The following KIAA1614 variants were observed in gnomAD, a reference collection of about 807,000 sequenced individuals.
KIAA1614 encodes uncharacterized protein KIAA1614.
A neutral mutation model predicts 88.7 loss-of-function variants in KIAA1614; 76 were observed. That is an observed-to-expected ratio of 0.86 (90% CI 0.71 to 1.04). The LOEUF is 1.04. Among genes scored for constraint, KIAA1614 ranks in the 50% least tolerant of loss-of-function variants. The pLI is 0.00. For missense variants in KIAA1614, 1,553 were observed against 1,582.5 expected (o/e 0.98, Z 0.32); for synonymous variants, 714 against 675.5 (o/e 1.06, Z -0.88).
rs753442417 is a variant in KIAA1614 at position 180,936,250 on chromosome 1, C to G, written c.2341C>G (p.Leu781Val). ...ESLEIVSPSS[L>V]QQSHAEPSAP... The stretch of plus-strand genomic sequence containing the variant: ...CCTGGAAATTGTCTCTCCTTCCTCC[C>G]TGCAACAGAGCCATGCAGAGCCTTC... Residue 781 changes from leucine (L) to valine (V), a missense_variant, in exon 5 of 9, where the codon CTG (leucine) becomes GTG (valine). Transcript: ENST00000367588. The G allele has an allele frequency of 1.2e-6, 2 of 1,614,222 alleles. No homozygotes were observed. Among genetic ancestry groups the G allele is most frequent in the South Asian group, 1.1e-5 (1 of 91,088 alleles).
At chr1:180,914,160 G>T (rs954995236) in intron 1 of KIAA1614, 1 of 151,878 alleles carries the variant, frequency 6.6e-6, no homozygotes, top group African/African-American at 2.4e-5. Flanking sequence ...ACTTCAAGGG[G>T]GGGGGGACAT....
intron 3 of KIAA1614, among the ~76,000 whole-genome samples, chr1:180,918,939 G>A (rs1281810654): frequency 2.6e-5 from 4 of 152,186 alleles, no homozygotes; most frequent in Admixed American, 6.5e-5. Context: ...TCTGGTGAGG[G>A]CTGCTCTTGG....
chr1:180,936,354 A>G lies in KIAA1614; in HGVS notation c.2445A>G (p.Lys815=), dbSNP rs779934290. The change falls in exon 5 of 9, where the codon AAA becomes AAG. Residue 815 remains lysine, a synonymous_variant. Transcript: ENST00000367588. ...CGCCAACCCCTCCCCCTTCGAGGAA[A>G]ACCACCTCGCCAGTGTCTCACAGGA... ...GWAPTPPPSR[K]TTSPVSHRKA... is the part of the protein sequence containing the mutation. 2 of 1,614,156 alleles carry G rather than the reference A, an allele frequency of 1.2e-6. No homozygotes were observed. Among genetic ancestry groups the G allele is most frequent in the Non-Finnish European group, 1.7e-6 (2 of 1,180,012 alleles).
rs1031579504 is a variant in KIAA1614 at position 180,945,760 on chromosome 1, A to G, written c.*172A>G. ...GTGGGGAGTGTGCGGGAGGGGGTAG[A>G]GTTGGCAGGTTTGACTCCACTGTCC... On this transcript the variant is annotated 3_prime_UTR_variant, in exon 9 of 9. Transcript: ENST00000367588. 2.2e-6 allele frequency: 3 copies of G among 1,365,320 alleles called. No homozygotes were observed. The highest frequency in any genetic ancestry group is 1.5e-5 in the African/African-American group (1 of 65,558). 84.6% of individuals were successfully genotyped at this position (1,365,320 alleles called of 1,614,324 possible). A position where few individuals can be genotyped will look rare whatever the true frequency, so the allele number is the denominator to read the frequency against.
At chr1:180,940,930 G>A in intron 6 of KIAA1614, 115 bp from the exon 7 acceptor site, 1 of 898,830 alleles carries the variant, frequency 1.1e-6, no homozygotes, top group South Asian at 1.8e-5. Flanking sequence ...CCCCAAATGT[G>A]CCAGAGGCAT....
At chr1:180,943,566 T>TTTTTTTTTTTTTTTTTTTTTTTTTTA (rs1654519507) in intron 7 of KIAA1614, among the ~76,000 whole-genome samples, 1 of 144,394 alleles carries the variant, frequency 6.9e-6, no homozygotes, top group South Asian at 2.3e-4. Context: ...TTTTTTTTTT[T>TTTTTTTTTTTTTTTTTTTTTTTTTTA]GAGACAGGGT....
Position 180,935,663 on chromosome 1 carries a change from C to T in KIAA1614, c.1754C>T (p.Ala585Val), listed in dbSNP as rs200812904. 2.1e-4 allele frequency: 331 copies of T among 1,612,932 alleles called. No individual in the cohort carries two copies. The highest frequency in any genetic ancestry group is 2.7e-4 in the Non-Finnish European group (315 of 1,179,734). ...GLSSPLRLLP[A>V]EPRLHMEWIR... ...AGCTCCCCACTCCGGCTCCTTCCTG[C>T]AGAGCCCCGGCTCCACATGGAATGG... The change falls in exon 5 of 9, where the codon GCA (alanine) becomes GTA (valine). Residue 585 changes from alanine to valine, a missense_variant. Coordinates refer to ENST00000367588, the MANE Select transcript of KIAA1614 (RefSeq NM_020950.2). This position sits in a 1 kb window ranked among gnomAD's most constrained non-coding sequence, Gnocchi z 6.1.
Position 180,919,691 on chromosome 1 carries a change from G to A in KIAA1614, c.1061+1777G>A, listed in dbSNP as rs187271805. Among the ~76,000 whole-genome samples, 322 of 152,298 alleles carry A rather than the reference G, an allele frequency of 2.1e-3. 1 individual carries two copies. The highest frequency in any genetic ancestry group is 7.3e-3 in the African/African-American group (305 of 41,560). On this transcript the variant is annotated intron_variant, in intron 3 of 8. Transcript: ENST00000367588. Reference sequence around the variant, plus strand: ...GAGAAGCCAAAGCTCCTGACAGCCCGTTGGATACTAAGGAATAAGGCCCCC... The same window carrying A: ...GAGAAGCCAAAGCTCCTGACAGCCCATTGGATACTAAGGAATAAGGCCCCC...
In KIAA1614 at chr1:180,949,078, T is replaced by C. The variant is rs1160073257; in HGVS notation, c.*3490T>C. ...TGGTGACTAGTTTCAAGCCAGAGATTGAGGAGCAGACCTGATGCCCTTTCG... is the reference window on the plus strand; with the variant it reads ...TGGTGACTAGTTTCAAGCCAGAGATCGAGGAGCAGACCTGATGCCCTTTCG... On this transcript the variant is annotated 3_prime_UTR_variant, in exon 9 of 9. Coordinates refer to ENST00000367588, the MANE Select transcript of KIAA1614 (RefSeq NM_020950.2). 1 of 152,298 alleles carries C rather than the reference T, an allele frequency of 6.6e-6. No homozygotes were observed. The highest frequency in any genetic ancestry group is 2.4e-5 in the African/African-American group (1 of 41,458). 9.4% of individuals were successfully genotyped at this position (152,298 alleles called of 1,614,324 possible). A position where few individuals can be genotyped will look rare whatever the true frequency, so the allele number is the denominator to read the frequency against.
chr1:180,924,115 G>A (rs757265236), intron 3 of KIAA1614, among the ~76,000 whole-genome samples: 12 of 152,184 alleles, frequency 7.9e-5, no homozygotes, highest in Non-Finnish European at 1.2e-4. Flanking sequence ...CCCATGCTGC[G>A]TCATTGCCAT....
chr1:180,916,893 G>T lies in KIAA1614; in HGVS notation c.790G>T (p.Val264Phe). ...LDSTSLTSEE[V>F]FVPRTALLGE... The stretch of plus-strand genomic sequence containing the variant: ...TAGCACATCCCTGACCTCCGAGGAG[G>T]TCTTTGTCCCCAGGACGGCCCTGCT... Residue 264 changes from valine to phenylalanine, a missense_variant, in exon 2 of 9, where the codon GTC becomes TTC. Val to Phe is a conservative substitution (Grantham distance 50). Transcript: ENST00000367588. 6.2e-7 allele frequency: 1 copy of T among 1,614,214 alleles called. No individual in the cohort carries two copies. The highest frequency in any genetic ancestry group is 8.5e-7 in the Non-Finnish European group (1 of 1,180,040).
intron 7 of KIAA1614, 48 bp from the exon 8 acceptor site, chr1:180,944,341 C>A (rs779215825): frequency 3.8e-6 from 6 of 1,599,732 alleles, no homozygotes; most frequent in Non-Finnish European, 5.1e-6. Context: ...TCTGTCAGCA[C>A]CTCCCAGGTA....
intron 1 of KIAA1614, among the ~76,000 whole-genome samples, chr1:180,914,236 A>T (rs1653725580): frequency 6.6e-6 from 1 of 152,248 alleles, no homozygotes; most frequent in African/African-American, 2.4e-5. Flanking sequence ...ACGCTGTGGC[A>T]TGTAGATATG....
At chr1:180,926,261 A>G (rs1036432375) in intron 3 of KIAA1614, among the ~76,000 whole-genome samples, 2 of 152,088 alleles carry the variant, frequency 1.3e-5, no homozygotes, top group African/African-American at 4.8e-5. Context: ...TCCCTGCCTC[A>G]GAGAAAGACC....
At chr1:180,930,995 G>A (rs1406395371) in intron 4 of KIAA1614, among the ~76,000 whole-genome samples, 2 of 151,772 alleles carry the variant, frequency 1.3e-5, no homozygotes, top group African/African-American at 2.4e-5. Context: ...CTTGGTGAAA[G>A]GTGATGGAAG....
chr1:180,935,907 G>A lies in KIAA1614; in HGVS notation c.1998G>A (p.Glu666=), dbSNP rs1039276178. 8.7e-6 allele frequency: 14 copies of A among 1,613,866 alleles called. No homozygotes were observed. The highest frequency in any genetic ancestry group is 1.1e-5 in the Non-Finnish European group (13 of 1,179,938). Residue 666 remains glutamate (E), a synonymous_variant, in exon 5 of 9, where the codon GAG becomes GAA. Transcript: ENST00000367588. This position sits in a 1 kb window ranked among gnomAD's most constrained non-coding sequence, Gnocchi z 6.1. The stretch of plus-strand genomic sequence containing the variant: ...GGTGGTCCAAGAAGGCTGAGGCGGA[G>A]CTCCCTTGGGGCCTTCAGGCCCAGC... ...GHRWSKKAEA[E]LPWGLQAQQH... is the part of the protein sequence containing the mutation.
intron 3 of KIAA1614, among the ~76,000 whole-genome samples, chr1:180,918,277 A>G (rs1417605628): frequency 6.6e-6 from 1 of 152,198 alleles, no homozygotes; most frequent in Admixed American, 6.5e-5. Context: ...GGCCGAAGTG[A>G]GATCATCGTT....
In KIAA1614 at chr1:180,935,994, C is replaced by T; in HGVS notation, c.2085C>T (p.His695=). Reference sequence around the variant, plus strand: ...ATGAGGTGAAAGAGGGCAGAGGACACACGCCTGAAGGAACTCTATTTTTGA... The same window carrying T: ...ATGAGGTGAAAGAGGGCAGAGGACATACGCCTGAAGGAACTCTATTTTTGA... ...VENEVKEGRG[H]TPEGTLFLRE... Residue 695 remains histidine (H), a synonymous_variant, in exon 5 of 9, where the codon CAC becomes CAT. Coordinates refer to ENST00000367588, the MANE Select transcript of KIAA1614 (RefSeq NM_020950.2). The surrounding 1 kb of genome is among the most constrained non-coding windows in gnomAD (Gnocchi z 6.1). 2 of 1,614,096 alleles carry T rather than the reference C, an allele frequency of 1.2e-6. No homozygotes were observed. The highest frequency in any genetic ancestry group is 1.7e-6 in the Non-Finnish European group (2 of 1,179,916).
chr1:180,931,152 A>G (rs934554134), intron 4 of KIAA1614, among the ~76,000 whole-genome samples: 1 of 152,252 alleles, frequency 6.6e-6, no homozygotes, highest in African/African-American at 2.4e-5. Context: ...TAATACAGAA[A>G]TGGAGCAGCT....
Sources: allele counts gnomAD v4.1 joint callset (sites outside exome capture counted in the v4.1 genomes callset), GRCh38; gene constraint gnomAD v4.1.1; non-coding constraint Gnocchi (gnomAD v3.1); transcripts MANE v1.5; gene names NCBI Gene and HGNC (gene_info 2026-07-23, HGNC 2026-07-21).